PRDM10: variants seen among roughly 807,000 people sequenced by gnomAD.
PRDM10 encodes the protein PR domain zinc finger protein 10.
Under a neutral mutation model 133.1 loss-of-function variants are expected in PRDM10, and 65 were observed. The observed-to-expected ratio is 0.49, with a 90% confidence interval of 0.40 to 0.60. The LOEUF (loss-of-function observed/expected upper bound fraction) is 0.60. PRDM10 is among the 20% of genes least tolerant of loss of function. The pLI is 0.00. For synonymous variants in PRDM10, 582 were observed against 580.4 expected (o/e 1.00, Z -0.04); for missense variants, 1,137 against 1,507.1 (o/e 0.75, Z 4.07).
intron 1 of PRDM10, among the ~76,000 whole-genome samples, chr11:129,982,520 C>G (rs1323070861): frequency 6.6e-6 from 1 of 152,062 alleles, no homozygotes; most frequent in Non-Finnish European, 1.5e-5. Flanking sequence ...AAAGAAATGT[C>G]TTAGGGAAGA....
rs199662051 is a variant in PRDM10 at position 129,921,099 on chromosome 11, T to G, written c.2034+2149A>C. On this transcript the variant is annotated intron_variant, in intron 13 of 20. Coordinates refer to ENST00000360871, the MANE Select transcript of PRDM10 (RefSeq NM_199437.2). ...GGCGTGAGCCACCGCACCCGGCCAC[T>G]TTATTCTTTTCTCTATTCTAGTGTG... is the stretch of plus-strand genomic sequence containing the variant. 3.0e-3 allele frequency among the ~76,000 whole-genome samples: 453 copies of G among 152,214 alleles called. 4 individuals are homozygous for G. Among genetic ancestry groups the G allele is most frequent in the African/African-American group, 0.01 (417 of 41,532 alleles).
At position 129,923,500 on chromosome 11, in the gene PRDM10, C is replaced by T. The variant is rs1314238177; in HGVS notation, c.1879-97G>A. The T allele has an allele frequency of 2.7e-5, 36 of 1,337,854 alleles. No homozygotes were observed. The highest frequency in any genetic ancestry group is 3.6e-5 in the Non-Finnish European group (36 of 1,004,030). 82.9% of individuals were successfully genotyped at this position (1,337,854 alleles called of 1,614,324 possible). On this transcript the variant is annotated intron_variant, in intron 12 of 20. Coordinates refer to ENST00000360871, the MANE Select transcript of PRDM10 (RefSeq NM_199437.2). The surrounding 1 kb of genome is among the most constrained non-coding windows in gnomAD (Gnocchi z 4.4). ...ACGCTAGAGGGAGCCAAACGCATTA[C>T]CATGGGTTTTCATCAACCCCGCCGA...
Position 129,947,697 on chromosome 11 carries a change from G to A in PRDM10, c.295-327C>T, listed in dbSNP as rs951599125. The A allele has an allele frequency of 1.8e-5, 10 of 568,768 alleles. No homozygotes were observed. The highest frequency in any genetic ancestry group is 3.8e-5 in the African/African-American group (2 of 53,104). 35.2% of individuals were successfully genotyped at this position (568,768 alleles called of 1,614,324 possible). On this transcript the variant is annotated intron_variant, in intron 4 of 20. Transcript: ENST00000360871. This position sits in a 1 kb window ranked among gnomAD's most constrained non-coding sequence, Gnocchi z 4.6. ...CACTGGCAAGGCCCTGACCACCTGC[G>A]TCCTGACCCCACCCCTAAAACTTAA...
chr11:129,965,746 A>T (rs7933698), intron 1 of PRDM10, among the ~76,000 whole-genome samples: 6,128 of 145,774 alleles, frequency 0.042, 185 homozygotes, highest in East Asian at 0.13. Context: ...ATCAAAAAAA[A>T]AAATATATAT....
In PRDM10 at chr11:129,947,154, G is replaced by A; in HGVS notation, c.511C>T (p.His171Tyr). 1 of 1,614,146 alleles carries A rather than the reference G, an allele frequency of 6.2e-7. No individual in the cohort carries two copies. The highest frequency in any genetic ancestry group is 1.1e-5 in the South Asian group (1 of 91,080). The change falls in exon 5 of 21, where the codon CAC (histidine) becomes TAC (tyrosine). Residue 171 changes from histidine (H) to tyrosine (Y), a missense_variant. Coordinates refer to ENST00000360871, the MANE Select transcript of PRDM10 (RefSeq NM_199437.2). The surrounding 1 kb of genome is among the most constrained non-coding windows in gnomAD (Gnocchi z 4.6). ...EPDPPRPFDPHDLWCEECNNA... is the reference protein window; with the variant it reads ...EPDPPRPFDPYDLWCEECNNA... ...CCGTGCCCACACTTACACAAGTCGTGTGGGTCGAAGGGCCGGGGCGGGTCT... is the reference window on the plus strand; with the variant it reads ...CCGTGCCCACACTTACACAAGTCGTATGGGTCGAAGGGCCGGGGCGGGTCT...
At chr11:129,931,715 C>T (rs750841162) in intron 10 of PRDM10, among the ~76,000 whole-genome samples, 5 of 151,890 alleles carry the variant, frequency 3.3e-5, no homozygotes, top group Admixed American at 6.6e-5. Context: ...TGCAGGCGCC[C>T]GCCACTGCAC....
intron 1 of PRDM10, among the ~76,000 whole-genome samples, chr11:129,968,852 C>T (rs1265176262): frequency 5.3e-5 from 8 of 152,314 alleles, no homozygotes; most frequent in African/African-American, 1.9e-4. Flanking sequence ...CACCCATCGA[C>T]ACTGCAATAT....
chr11:129,923,359 C>G lies in PRDM10; in HGVS notation c.1923G>C (p.Gln641His). 6.2e-7 allele frequency: 1 copy of G among 1,612,706 alleles called. No homozygotes were observed. Among genetic ancestry groups the G allele is most frequent in the Non-Finnish European group, 8.5e-7 (1 of 1,179,558 alleles). Residue 641 changes from glutamine to histidine, a missense_variant, in exon 13 of 21, where the codon CAG becomes CAC. By Grantham distance (24) the Gln-to-His change is conservative. This residue lies in a region of PRDM10 where 635 missense variants were observed against 835.2 expected (regional missense o/e 0.76). Coordinates refer to ENST00000360871, the MANE Select transcript of PRDM10 (RefSeq NM_199437.2). This position sits in a 1 kb window ranked among gnomAD's most constrained non-coding sequence, Gnocchi z 4.4. ...VRSFHSEKIY[Q>H]CTECDKAFCR... Reference sequence around the variant, plus strand: ...AGAAGGCCTTGTCACACTCTGTGCACTGGTAGATCTTTTCTGAGTGGAAGC... The same window carrying G: ...AGAAGGCCTTGTCACACTCTGTGCAGTGGTAGATCTTTTCTGAGTGGAAGC...
At chr11:129,983,260 G>A (rs1465732800) in intron 1 of PRDM10, among the ~76,000 whole-genome samples, 1 of 150,596 alleles carries the variant, frequency 6.6e-6, no homozygotes, top group Non-Finnish European at 1.5e-5. Flanking sequence ...TTACAAGCAT[G>A]AGCCACCACG....
chr11:129,912,751 C>T lies in PRDM10; in HGVS notation c.2842-526G>A, dbSNP rs530358037. ...TGGGCGACAGAGCGAGACTCCATCT[C>T]GAAAAAAAAAAAAAAATTAGTCAGG... On this transcript the variant is annotated intron_variant, in intron 17 of 20. Transcript: ENST00000360871. Among the ~76,000 whole-genome samples the T allele has an allele frequency of 7.4e-5, 9 of 121,942 alleles. No homozygotes were observed. The South Asian group carries it at 1.7e-3, about 24-fold the overall frequency. 80.0% of individuals were successfully genotyped at this position (121,942 alleles called of 152,430 possible).
intron 4 of PRDM10, 22 bp downstream of exon 4, chr11:129,955,490 C>T: frequency 6.2e-7 from 1 of 1,612,542 alleles, no homozygotes. Context: ...TATCCCCAAA[C>T]AAGAAAAAGG....
intron 7 of PRDM10, 57 bp from the exon 8 acceptor site, chr11:129,937,727 T>C: frequency 2.1e-6 from 3 of 1,461,096 alleles, no homozygotes; most frequent in Non-Finnish European, 2.8e-6. Context: ...GTTCTTTGCA[T>C]GCTTAAATTA....
intron 12 of PRDM10, among the ~76,000 whole-genome samples, 188 bp downstream of exon 12, chr11:129,924,694 G>C (rs1224274903): frequency 6.6e-6 from 1 of 152,156 alleles, no homozygotes; most frequent in African/African-American, 2.4e-5. Flanking sequence ...GTCTGATCTG[G>C]ACAATTAAGG....
In PRDM10 at chr11:129,918,182, C is replaced by T. The variant is rs940790943; in HGVS notation, c.2214+357G>A. ...GAACAGCTGGGGAGAAGGCAAATAC[C>T]CCATTAAAAAAATACATTCAGGGAC... On this transcript the variant is annotated intron_variant, in intron 14 of 20. Coordinates refer to ENST00000360871, the MANE Select transcript of PRDM10 (RefSeq NM_199437.2). The surrounding 1 kb of genome is among the most constrained non-coding windows in gnomAD (Gnocchi z 5.3). 2.0e-5 allele frequency among the ~76,000 whole-genome samples: 3 copies of T among 149,730 alleles called. No homozygotes were observed. Among genetic ancestry groups the T allele is most frequent in the Non-Finnish European group, 3.0e-5 (2 of 67,460 alleles).
intron 9 of PRDM10, among the ~76,000 whole-genome samples, chr11:129,934,182 C>T (rs1212963844): frequency 6.6e-6 from 1 of 152,274 alleles, no homozygotes; most frequent in Non-Finnish European, 1.5e-5. Flanking sequence ...CCTGCCTGCT[C>T]TGCACCAGCA....
chr11:129,929,223 G>C (rs951716788), intron 11 of PRDM10, among the ~76,000 whole-genome samples: 5 of 152,138 alleles, frequency 3.3e-5, no homozygotes, highest in Non-Finnish European at 7.4e-5. Context: ...TGTATATGAG[G>C]AACCTGCAGC....
At chr11:129,920,559 C>T (rs565368188) in intron 13 of PRDM10, among the ~76,000 whole-genome samples, 17 of 152,116 alleles carry the variant, frequency 1.1e-4, no homozygotes, top group Non-Finnish European at 1.3e-4. Context: ...TAGCACAGCG[C>T]GCTAGCTTAA....
In PRDM10 at chr11:129,936,406, C is replaced by G. The variant is rs563254435; in HGVS notation, c.1040-1188G>C. Among the ~76,000 whole-genome samples the G allele has an allele frequency of 2.6e-5, 4 of 152,268 alleles. No individual in the cohort carries two copies. The South Asian group carries it at 8.3e-4, about 32-fold the overall frequency. ...CAGTGGCTCACGCCTATAATCCCAG[C>G]ACTTTGGGAGGCCGAGGCAGGCAGA... On this transcript the variant is annotated intron_variant, in intron 8 of 20. Coordinates refer to ENST00000360871, the MANE Select transcript of PRDM10 (RefSeq NM_199437.2).
chr11:129,992,980 G>A (rs945590947), intron 1 of PRDM10, among the ~76,000 whole-genome samples: 2 of 152,124 alleles, frequency 1.3e-5, no homozygotes, highest in Non-Finnish European at 2.9e-5. Flanking sequence ...GTTCTCTCAG[G>A]CACATGCATT....
Sources: gnomAD v4.1 joint callset for allele counts (sites outside exome capture counted in the v4.1 genomes callset) on GRCh38, gnomAD v4.1.1 for gene constraint, gnomAD v4.1.1 regional missense constraint, Gnocchi (gnomAD v3.1) non-coding constraint, MANE v1.5 for transcripts, NCBI Gene and HGNC (gene_info 2026-07-23, HGNC 2026-07-21) for gene names.